Variants in ELMO1 observed in about 807,000 individuals in gnomAD.
ELMO1 encodes engulfment and cell motility protein 1.
Under a neutral mutation model 98.9 loss-of-function variants are expected in ELMO1, and 26 were observed. The observed-to-expected ratio is 0.26, with a 90% CI of 0.19 to 0.36. ELMO1 has a LOEUF of 0.36. Ranked by LOEUF, ELMO1 falls within the 10% of genes least tolerant of loss-of-function variation. The probability of loss-of-function intolerance (pLI) is 1.00; values close to 1 mark genes in which losing one functional copy is unlikely to be tolerated. For synonymous variants in ELMO1, 346 were observed against 346.0 expected, an observed-to-expected ratio of 1.00 and a Z score of 0.00; for missense variants, 627 against 935.2, an observed-to-expected ratio of 0.67 and a Z score of 4.30.
intron 14 of ELMO1, among the ~76,000 whole-genome samples, chr7:37,098,108 T>C (rs17170880): frequency 0.017 from 2,572 of 152,302 alleles, 69 homozygotes; most frequent in African/African-American, 0.059. Flanking sequence ...ACTTCCTTAA[T>C]AGCTACACCA....
intron 13 of ELMO1, among the ~76,000 whole-genome samples, chr7:37,148,740 C>T (rs555474180): frequency 1.4e-3 from 217 of 152,236 alleles, no homozygotes; most frequent in African/African-American, 5.0e-3. Context: ...TGGAACAATC[C>T]AGATATCATG....
At chr7:37,438,268 T>C (rs1018782976) in intron 1 of ELMO1, among the ~76,000 whole-genome samples, 2 of 151,390 alleles carry the variant, frequency 1.3e-5, no homozygotes, top group African/African-American at 2.4e-5. Context: ...TTCAGCAAGA[T>C]AGTTTAATAA....
intron 11 of ELMO1, 134 bp downstream of exon 11, chr7:37,216,511 T>C (rs1182935926): frequency 7.8e-6 from 8 of 1,021,158 alleles, no homozygotes; most frequent in Non-Finnish European, 1.2e-5. Context: ...ACTTTTTCCT[T>C]CATTAGAGTT....
intron 13 of ELMO1, among the ~76,000 whole-genome samples, chr7:37,139,026 G>A (rs138854585): frequency 1.6e-3 from 245 of 152,134 alleles, no homozygotes; most frequent in African/African-American, 5.3e-3. Context: ...ATCCAACATC[G>A]CTTTATGATT....
intron 4 of ELMO1, among the ~76,000 whole-genome samples, chr7:37,310,448 C>A (rs1438747779): frequency 6.6e-6 from 1 of 152,146 alleles, no homozygotes; most frequent in Non-Finnish European, 1.5e-5. Flanking sequence ...GGTATTCGTG[C>A]AATCATACTG....
chr7:37,067,379 C>A (rs1265641193), intron 15 of ELMO1, among the ~76,000 whole-genome samples: 2 of 152,146 alleles, frequency 1.3e-5, no homozygotes, highest in East Asian at 1.9e-4. Context: ...CAGGGTACAG[C>A]GATGAACAAA....
At chr7:37,277,403 G>A (rs545200932) in intron 4 of ELMO1, among the ~76,000 whole-genome samples, 1 of 152,348 alleles carries the variant, frequency 6.6e-6, no homozygotes, top group East Asian at 1.9e-4. Context: ...ACATCTCAAA[G>A]CTCTGAGGCA....
intron 13 of ELMO1, among the ~76,000 whole-genome samples, chr7:37,149,969 A>G (rs975868991): frequency 6.6e-6 from 1 of 152,144 alleles, no homozygotes; most frequent in Non-Finnish European, 1.5e-5. Context: ...TGTTATGTTG[A>G]AAGGAATGTT....
chr7:37,393,239 G>A (rs1803157872), intron 1 of ELMO1, among the ~76,000 whole-genome samples: 2 of 152,068 alleles, frequency 1.3e-5, no homozygotes, highest in African/African-American at 4.8e-5. Flanking sequence ...AGAGTAACTT[G>A]CCAACCCAGT....
chr7:37,014,168 C>T (rs988874688), intron 15 of ELMO1, among the ~76,000 whole-genome samples: 11 of 146,862 alleles, frequency 7.5e-5, no homozygotes, highest in African/African-American at 2.8e-4. Flanking sequence ...TCCCTACTCT[C>T]CTCCTCCTCC....
At chr7:37,316,590 G>A (rs1293141105) in intron 2 of ELMO1, among the ~76,000 whole-genome samples, 1 of 152,160 alleles carries the variant, frequency 6.6e-6, no homozygotes, top group African/African-American at 2.4e-5. Flanking sequence ...GTGCCTAACA[G>A]CCACACTTGT....
chr7:37,379,978 G>A (rs1802518516), intron 1 of ELMO1, among the ~76,000 whole-genome samples: 1 of 152,186 alleles, frequency 6.6e-6, no homozygotes, highest in South Asian at 2.1e-4. Context: ...GCCCCAAAGT[G>A]AATGTGGGAT....
chr7:37,160,746 A>G (rs1005470120), intron 13 of ELMO1, among the ~76,000 whole-genome samples: 10 of 152,284 alleles, frequency 6.6e-5, no homozygotes, highest in African/African-American at 2.4e-4. Context: ...TGGCTTCTGC[A>G]TGACCAGATG....
chr7:36,861,953 G>A (rs372033816), intron 20 of ELMO1: 14 of 573,430 alleles, frequency 2.4e-5, no homozygotes, highest in East Asian at 1.1e-4. Flanking sequence ...CATTTAATTC[G>A]CATGCAGCCC....
At chr7:36,961,010 G>T (rs1436711291) in intron 16 of ELMO1, among the ~76,000 whole-genome samples, 1 of 151,946 alleles carries the variant, frequency 6.6e-6, no homozygotes, top group East Asian at 1.9e-4. Context: ...CAAACTCTCG[G>T]CTCCTTAAAA....
intron 8 of ELMO1, among the ~76,000 whole-genome samples, chr7:37,226,950 T>C (rs149291374): frequency 3.9e-5 from 6 of 152,260 alleles, no homozygotes; most frequent in Admixed American, 1.3e-4. Flanking sequence ...TAAAAAGGCA[T>C]TTACTATGAA....
intron 13 of ELMO1, among the ~76,000 whole-genome samples, chr7:37,185,324 T>C (rs1791134172): frequency 6.6e-6 from 1 of 152,220 alleles, no homozygotes; most frequent in Non-Finnish European, 1.5e-5. Flanking sequence ...TTTATAGAAA[T>C]GAAAGCTTTA....
At chr7:37,033,318 G>A in intron 15 of ELMO1, 1 of 449,570 alleles carries the variant, frequency 2.2e-6, no homozygotes, top group African/African-American at 2.0e-5. Flanking sequence ...TTTAATAAAA[G>A]GGGATAAAAA....
At chr7:37,303,642 T>C (rs1798459694) in intron 4 of ELMO1, among the ~76,000 whole-genome samples, 1 of 152,214 alleles carries the variant, frequency 6.6e-6, no homozygotes. Context: ...TCTGGTGTTT[T>C]TAGGGTCATT....
Sources: allele counts gnomAD v4.1 joint callset (sites outside exome capture counted in the v4.1 genomes callset), GRCh38; gene constraint gnomAD v4.1.1; transcripts MANE v1.5; gene names NCBI Gene and HGNC (gene_info 2026-07-23, HGNC 2026-07-21).